ANGPT1: variants seen among roughly 807,000 people sequenced by gnomAD.
ANGPT1 encodes the protein angiopoietin-1.
Under a neutral mutation model 62.2 loss-of-function variants are expected in ANGPT1, and 17 were observed. The observed-to-expected ratio is 0.27, with a 90% CI of 0.19 to 0.41. The LOEUF (loss-of-function observed/expected upper bound fraction) is 0.41, where lower values mean the gene tolerates loss of function less well. Ranked by LOEUF, ANGPT1 falls within the 10% of genes least tolerant of loss-of-function variation. ANGPT1 has a pLI of 1.00. For missense variants in ANGPT1, 478 were observed against 594.9 expected, an observed-to-expected ratio of 0.80 and a Z score of 2.04; for synonymous variants, 199 against 198.9, an observed-to-expected ratio of 1.00 and a Z score of 0.00.
chr8:107,434,016 G>A (rs1412063573), intron 1 of ANGPT1, among the ~76,000 whole-genome samples: 1 of 152,170 alleles, frequency 6.6e-6, no homozygotes, highest in Non-Finnish European at 1.5e-5. Flanking sequence ...TACTAAGTTT[G>A]AGTTTCAAAA....
intron 6 of ANGPT1, among the ~76,000 whole-genome samples, chr8:107,289,905 A>G (rs1445557137): frequency 6.6e-6 from 1 of 152,282 alleles, no homozygotes; most frequent in East Asian, 1.9e-4. Context: ...ACTGCTGATA[A>G]GTGTTACTGC....
At chr8:107,326,770 G>A (rs1446587600) in intron 3 of ANGPT1, among the ~76,000 whole-genome samples, 1 of 152,080 alleles carries the variant, frequency 6.6e-6, no homozygotes, top group African/African-American at 2.4e-5. Flanking sequence ...AACATAGAAT[G>A]AGCAGATGTT....
At chr8:107,457,932 G>A (rs911156552) in intron 1 of ANGPT1, among the ~76,000 whole-genome samples, 1 of 151,762 alleles carries the variant, frequency 6.6e-6, no homozygotes. Context: ...ATAGAAGTGA[G>A]TTAGTAAGCA....
chr8:107,271,066 TTCC>T (rs1219290809), intron 7 of ANGPT1, among the ~76,000 whole-genome samples: 3 of 152,120 alleles, frequency 2.0e-5, no homozygotes, highest in African/African-American at 2.4e-5. Context: ...TCTTCCTTTT[TTCC>T]TCCTCCTCCA....
intron 1 of ANGPT1, among the ~76,000 whole-genome samples, chr8:107,492,594 C>CATTTGGCAAAAGCAAAACAGATCTT (rs1486136600): frequency 1.3e-4 from 19 of 151,422 alleles, no homozygotes; most frequent in South Asian, 4.3e-4. Flanking sequence ...GCCTTGGCGT[C>CATTTGGCAAAAGCAAAACAGATCTT]CCAAAGTGCT....
intron 1 of ANGPT1, among the ~76,000 whole-genome samples, chr8:107,472,505 G>A (rs1245222627): frequency 6.6e-6 from 1 of 151,894 alleles, no homozygotes; most frequent in Non-Finnish European, 1.5e-5. Flanking sequence ...GGCTAAGAAA[G>A]GTACTTAACG....
intron 6 of ANGPT1, among the ~76,000 whole-genome samples, chr8:107,293,044 T>G (rs1049164761): frequency 6.6e-6 from 1 of 152,230 alleles, no homozygotes. Flanking sequence ...AGGCACCGAC[T>G]ATGTGATTAC....
At chr8:107,320,944 T>C (rs754463403) in intron 4 of ANGPT1, among the ~76,000 whole-genome samples, 42 of 152,152 alleles carry the variant, frequency 2.8e-4, no homozygotes, top group Non-Finnish European at 5.1e-4. Context: ...ACTTCATGAA[T>C]GGTCACATAA....
In ANGPT1 at chr8:107,385,982, C is replaced by A. The variant is rs1339832479; in HGVS notation, c.298-38885G>T. On this transcript the variant is annotated intron_variant, in intron 1 of 8. Coordinates refer to ENST00000517746, the MANE Select transcript of ANGPT1 (RefSeq NM_001146.5). ...ACCTGTGTCCCAGGAATAAAGCCTA[C>A]TTGATCCGGTGAATTAGCTTTAACG... is the stretch of plus-strand genomic sequence containing the variant. Among the ~76,000 whole-genome samples the A allele has an allele frequency of 3.9e-5, 6 of 152,054 alleles. No homozygotes were observed. In the South Asian group the frequency reaches 1.2e-3, roughly 32 times the overall value.
intron 4 of ANGPT1, among the ~76,000 whole-genome samples, chr8:107,319,799 G>A (rs1180266225): frequency 6.6e-6 from 1 of 151,902 alleles, no homozygotes; most frequent in African/African-American, 2.4e-5. Flanking sequence ...TTCCACTTTT[G>A]TGTCTCTTAT....
chr8:107,319,580 T>C (rs922567997), intron 4 of ANGPT1, among the ~76,000 whole-genome samples: 3 of 151,944 alleles, frequency 2.0e-5, no homozygotes, highest in Admixed American at 6.5e-5. Context: ...TTATATGATA[T>C]ATAAATTTTG....
In ANGPT1 at chr8:107,347,038, T is replaced by A. The variant is rs759076688; in HGVS notation, c.357A>T (p.Ala119=). 4.3e-6 allele frequency: 7 copies of A among 1,613,780 alleles called. No individual in the cohort carries two copies. The Admixed American group carries it at 1.2e-4, about 27-fold the overall frequency. The change falls in exon 2 of 9, where the codon GCA becomes GCT. Residue 119 remains alanine (A), a synonymous_variant. Transcript: ENST00000517746. Reference sequence around the variant, plus strand: ...GCATGGTAGCCGTGTGGTTCTGAACTGCATTCTGCTGTATCTGGGCCATCT... The same window carrying A: ...GCATGGTAGCCGTGTGGTTCTGAACAGCATTCTGCTGTATCTGGGCCATCT... ...KSEMAQIQQN[A]VQNHTATMLE...
chr8:107,490,174 CA>C (rs1255516856), intron 1 of ANGPT1, among the ~76,000 whole-genome samples: 1 of 152,114 alleles, frequency 6.6e-6, no homozygotes, highest in African/African-American at 2.4e-5. Flanking sequence ...AAACAAATGA[CA>C]GGGGGGAAAG....
At chr8:107,380,359 TTGTGTGTGTGTGTG>T (rs71308731) in intron 1 of ANGPT1, among the ~76,000 whole-genome samples, 2 of 148,788 alleles carry the variant, frequency 1.3e-5, no homozygotes, top group South Asian at 2.1e-4. Context: ...TGCAGGATGT[TTGTGTGTGTGTGTG>T]TGTGTGTGTG....
intron 1 of ANGPT1, among the ~76,000 whole-genome samples, chr8:107,380,670 C>T (rs2130273306): frequency 6.6e-6 from 1 of 152,130 alleles, no homozygotes; most frequent in Admixed American, 6.5e-5. Flanking sequence ...CTCATTTTAT[C>T]AAAACTGGAA....
chr8:107,411,102 A>T (rs894817672), intron 1 of ANGPT1, among the ~76,000 whole-genome samples: 15 of 152,272 alleles, frequency 9.9e-5, no homozygotes, highest in African/African-American at 2.4e-4. Context: ...AAGATGTTTT[A>T]AAAAATGTGT....
chr8:107,422,277 G>GA (rs1173100276), intron 1 of ANGPT1, among the ~76,000 whole-genome samples: 1 of 152,134 alleles, frequency 6.6e-6, no homozygotes, highest in African/African-American at 2.4e-5. Flanking sequence ...GGCAACCTGG[G>GA]AAAGAGGTAT....
At chr8:107,336,567 A>T (rs1815569106) in intron 2 of ANGPT1, 2 of 204,726 alleles carry the variant, frequency 9.8e-6, no homozygotes, top group East Asian at 1.8e-4. Flanking sequence ...CGGGAGGCTG[A>T]CGCAGGAGAA....
At chr8:107,272,476 T>G (rs950685497) in intron 7 of ANGPT1, among the ~76,000 whole-genome samples, 1 of 152,004 alleles carries the variant, frequency 6.6e-6, no homozygotes, top group Non-Finnish European at 1.5e-5. Flanking sequence ...CTTGTAGAAT[T>G]TAGATAAAAT....
Sources: gnomAD v4.1 joint callset for allele counts (sites outside exome capture counted in the v4.1 genomes callset) on GRCh38, gnomAD v4.1.1 for gene constraint, MANE v1.5 for transcripts, NCBI Gene and HGNC (gene_info 2026-07-23, HGNC 2026-07-21) for gene names.